The following PCDHA2 variants were observed in gnomAD, a reference collection of about 807,000 sequenced individuals.
PCDHA2 encodes the protein protocadherin alpha 2, also known as protocadherin alpha-2.
PCDHA2 carries 58 observed loss-of-function variants against 66.0 expected under a neutral mutation model. The observed-to-expected ratio is 0.88, with a 90% confidence interval of 0.71 to 1.09. The LOEUF (loss-of-function observed/expected upper bound fraction) is 1.09. PCDHA2 is among the 50% of genes least tolerant of loss of function. The pLI, the probability that PCDHA2 is intolerant of heterozygous loss-of-function variation, is 0.00. For missense variants in PCDHA2, 1,267 were observed against 1,242.3 expected, an observed-to-expected ratio of 1.02 and a Z score of -0.30; for synonymous variants, 634 against 554.0, an observed-to-expected ratio of 1.14 and a Z score of -2.03.
intron 1 of PCDHA2, chr5:140,857,181 C>G (rs2044400350): frequency 6.3e-7 from 1 of 1,598,486 alleles, no homozygotes; most frequent in East Asian, 2.2e-5. Flanking sequence ...GACCATGATT[C>G]AGGAGCCAAC....
intron 1 of PCDHA2, chr5:140,827,840 A>C: frequency 2.2e-6 from 1 of 457,334 alleles, no homozygotes; most frequent in Non-Finnish European, 3.8e-6. Flanking sequence ...AGAAAAGAAG[A>C]TACTGTTTTA....
Position 140,849,786 on chromosome 5 carries a change from G to T in PCDHA2, c.2388+52434G>T, listed in dbSNP as rs2150450039. 3 of 1,598,374 alleles carry T rather than the reference G, an allele frequency of 1.9e-6. No individual in the cohort carries two copies. The African/African-American group carries it at 4.0e-5, about 21-fold the overall frequency. On this transcript the variant is annotated intron_variant, in intron 1 of 3. Coordinates refer to ENST00000526136, the MANE Select transcript of PCDHA2 (RefSeq NM_018905.3). ...GCTGGTGGTTACCGCGCGGGACGGG[G>T]GCTCGCCTTCACTGTGGGCCACGGC...
At chr5:140,917,495 AATG>A (rs1391932074) in intron 1 of PCDHA2, among the ~76,000 whole-genome samples, 1 of 152,174 alleles carries the variant, frequency 6.6e-6, no homozygotes, top group Non-Finnish European at 1.5e-5. Flanking sequence ...CTATGCCCAG[AATG>A]ATATTTTCTA....
intron 1 of PCDHA2, among the ~76,000 whole-genome samples, chr5:140,893,868 AGATC>A (rs1369386852): frequency 1.3e-5 from 2 of 152,168 alleles, no homozygotes; most frequent in Non-Finnish European, 2.9e-5. Context: ...GAAACAACCC[AGATC>A]CAAAGTGGCC....
intron 3 of PCDHA2, among the ~76,000 whole-genome samples, chr5:141,007,801 G>A (rs559830556): frequency 2.6e-5 from 4 of 152,148 alleles, no homozygotes; most frequent in African/African-American, 7.2e-5. Flanking sequence ...GCCTTTATCT[G>A]CCATTCATTT....
chr5:140,800,854 G>A (rs979749308), intron 1 of PCDHA2: 6 of 228,396 alleles, frequency 2.6e-5, no homozygotes, highest in African/African-American at 1.4e-4. Context: ...TAGTATAAAA[G>A]TTCTAAGGAA....
intron 3 of PCDHA2, among the ~76,000 whole-genome samples, chr5:140,988,622 A>G (rs192744779): frequency 6.6e-6 from 1 of 152,242 alleles, no homozygotes; most frequent in East Asian, 1.9e-4. Flanking sequence ...TAGAATGGAG[A>G]TGTCCTGGTT....
At chr5:140,953,333 G>T (rs1164031991) in intron 1 of PCDHA2, among the ~76,000 whole-genome samples, 1 of 151,962 alleles carries the variant, frequency 6.6e-6, no homozygotes, top group East Asian at 1.9e-4. Flanking sequence ...TAGAATTTAG[G>T]GCTCACCTTC....
At position 140,835,851 on chromosome 5, in the gene PCDHA2, G is replaced by C. The variant is rs2150246583; in HGVS notation, c.2388+38499G>C. 1.9e-5 allele frequency: 30 copies of C among 1,612,172 alleles called. No homozygotes were observed. In the South Asian group the frequency reaches 3.0e-4, roughly 16 times the overall value. ...CGCGGACGCGCAGAAGAACGCGCTG[G>C]TGTCCTACTCGCTGGTGGAGCTGCG... On this transcript the variant is annotated intron_variant, in intron 1 of 3. Coordinates refer to ENST00000526136, the MANE Select transcript of PCDHA2 (RefSeq NM_018905.3).
At chr5:140,821,106 A>G (rs1334946350) in intron 1 of PCDHA2, among the ~76,000 whole-genome samples, 1 of 152,190 alleles carries the variant, frequency 6.6e-6, no homozygotes, top group African/African-American at 2.4e-5. Flanking sequence ...AAATGTCACT[A>G]TTAAACAGTG....
rs1554143112 is a variant in PCDHA2 at position 140,849,624 on chromosome 5, C to G, written c.2388+52272C>G. ...TATTGCCCTGATTAGTGTGATCGAC[C>G]TAGACGCAGATGCCAACGGGCAGGT... is the stretch of plus-strand genomic sequence containing the variant. On this transcript the variant is annotated intron_variant, in intron 1 of 3. Transcript: ENST00000526136. 3.1e-6 allele frequency: 5 copies of G among 1,598,656 alleles called. No individual in the cohort carries two copies. The African/African-American group carries it at 6.7e-5, about 21-fold the overall frequency.
At chr5:140,925,556 T>C (rs1421287870) in intron 1 of PCDHA2, among the ~76,000 whole-genome samples, 2 of 151,752 alleles carry the variant, frequency 1.3e-5, no homozygotes, top group African/African-American at 4.8e-5. Flanking sequence ...AAATGACAAG[T>C]TAATGGGTGC....
At chr5:140,896,000 AG>A (rs1239259521) in intron 1 of PCDHA2, among the ~76,000 whole-genome samples, 1 of 152,064 alleles carries the variant, frequency 6.6e-6, no homozygotes, top group Non-Finnish European at 1.5e-5. Flanking sequence ...AAGTAGAGAC[AG>A]GGTTTCTCCA....
At chr5:140,806,640 G>GA (rs11459112) in intron 1 of PCDHA2, among the ~76,000 whole-genome samples, 75,457 of 151,900 alleles carry the variant, frequency 0.5, 19,052 homozygotes, top group Middle Eastern at 0.62. Context: ...ATACTAGGGT[G>GA]AAGAGGGTGT....
rs1215327894 is a variant in PCDHA2 at position 140,868,871 on chromosome 5, A to T, written c.2388+71519A>T. On this transcript the variant is annotated intron_variant, in intron 1 of 3. Transcript: ENST00000526136. ...TTCTGTGGTGGTAAATGCAGTGCAC[A>T]GTACTCACAGTTTTAGGCGCAAGGT... 4.8e-6 allele frequency: 3 copies of T among 625,152 alleles called. No homozygotes were observed. In the Admixed American group the frequency reaches 9.8e-5, roughly 20 times the overall value. 38.7% of individuals were successfully genotyped at this position (625,152 alleles called of 1,614,324 possible).
At chr5:140,928,139 C>T in intron 1 of PCDHA2, 2 of 1,614,174 alleles carry the variant, frequency 1.2e-6, no homozygotes, top group Non-Finnish European at 8.5e-7. Flanking sequence ...GTCCTGATCA[C>T]GGCCTCAGAT....
At position 140,797,189 on chromosome 5, in the gene PCDHA2, C is replaced by G. The variant is rs1762195145; in HGVS notation, c.2225C>G (p.Ser742Cys). The part of the protein sequence containing the change: ...RAPGKPTLVC[S>C]SAVGSWSYSQ... ...CCAGGAAAGCCCACGCTGGTGTGCTCCAGCGCCGTGGGGAGCTGGTCTTAC... is the reference window on the plus strand; with the variant it reads ...CCAGGAAAGCCCACGCTGGTGTGCTGCAGCGCCGTGGGGAGCTGGTCTTAC... The change falls in exon 1 of 4, where the codon TCC becomes TGC. Residue 742 changes from serine (S) to cysteine (C), a missense_variant. Physicochemically the swap from Ser to Cys is moderately radical, Grantham distance 112. Coordinates refer to ENST00000526136, the MANE Select transcript of PCDHA2 (RefSeq NM_018905.3). 1 of 1,614,148 alleles carries G rather than the reference C, an allele frequency of 6.2e-7. No homozygotes were observed.
At chr5:140,883,366 C>T (rs34923516) in intron 1 of PCDHA2, 1 of 1,614,174 alleles carries the variant, frequency 6.2e-7, no homozygotes, top group South Asian at 1.1e-5. Context: ...CTCAGCCTAG[C>T]GCCATTATTG....
intron 3 of PCDHA2, among the ~76,000 whole-genome samples, chr5:140,982,824 GGTTT>G (rs74513655): frequency 0.037 from 5,640 of 152,044 alleles, 162 homozygotes; most frequent in Non-Finnish European, 0.055. Flanking sequence ...AAGTTTTTGG[GGTTT>G]GTTTGTTTGT....
Sources: gnomAD v4.1 joint callset for allele counts (sites outside exome capture counted in the v4.1 genomes callset) on GRCh38, gnomAD v4.1.1 for gene constraint, MANE v1.5 for transcripts, NCBI Gene and HGNC (gene_info 2026-07-23, HGNC 2026-07-21) for gene names.